The following TACC3 variants were observed in gnomAD, a reference collection of about 807,000 sequenced individuals.
TACC3 encodes transforming acidic coiled-coil-containing protein 3.
In TACC3, 52 loss-of-function variants were observed where a neutral mutation model predicts 86.0. The observed-to-expected ratio is 0.60, with a 90% CI of 0.48 to 0.76. TACC3 has a LOEUF of 0.76. Among genes scored for constraint, TACC3 ranks in the 30% least tolerant of loss-of-function variants. TACC3 has a pLI of 0.00. For synonymous variants in TACC3, 512 were observed against 430.0 expected, an observed-to-expected ratio of 1.19 and a Z score of -2.36; for missense variants, 1,120 against 1,070.4, an observed-to-expected ratio of 1.05 and a Z score of -0.65.
At chr4:1,738,720 G>A (rs1489933075) in intron 10 of TACC3, among the ~76,000 whole-genome samples, 9 of 152,220 alleles carry the variant, frequency 5.9e-5, no homozygotes, top group Non-Finnish European at 2.9e-5. Flanking sequence ...CCCTACTGCT[G>A]TGTTGTTCCC....
intron 1 of TACC3, among the ~76,000 whole-genome samples, chr4:1,722,085 C>G (rs960190086): frequency 1.3e-5 from 2 of 152,190 alleles, no homozygotes; most frequent in Non-Finnish European, 2.9e-5. Flanking sequence ...CTACCGCTTC[C>G]CCGCACCTGC....
At chr4:1,740,149 T>G in intron 12 of TACC3, 147 bp downstream of exon 12, 1 of 762,098 alleles carries the variant, frequency 1.3e-6, no homozygotes, top group Non-Finnish European at 2.1e-6. Flanking sequence ...GGCCCGGCCG[T>G]GGAAGCACTG....
chr4:1,737,317 C>T lies in TACC3; in HGVS notation c.1825C>T (p.Leu609=), dbSNP rs1718323686. 2.5e-6 allele frequency: 4 copies of T among 1,614,072 alleles called. No homozygotes were observed. The highest frequency in any genetic ancestry group is 4.5e-5 in the East Asian group (2 of 44,892). The change falls in exon 9 of 16, where the codon CTG becomes TTG. Residue 609 remains leucine (L), a synonymous_variant. Transcript: ENST00000313288. ...TGTGGAGTTCGATTTCTTGGGAGCA[C>T]TGGACATTCCTGTAAGTCCTTGAGT... is the stretch of plus-strand genomic sequence containing the variant. ...KLVEFDFLGA[L]DIPVPGPPPG...
chr4:1,722,351 G>A (rs1185773380), intron 1 of TACC3, among the ~76,000 whole-genome samples: 3 of 152,180 alleles, frequency 2.0e-5, no homozygotes, highest in African/African-American at 7.2e-5. Context: ...CCCTTCCCCT[G>A]CCCTGTACCC....
intron 3 of TACC3, 72 bp downstream of exon 3, chr4:1,723,942 G>T: frequency 6.5e-7 from 1 of 1,537,466 alleles, no homozygotes. Context: ...GGAAAGTGCT[G>T]TCTTGTTCTA....
chr4:1,725,949 G>A (rs1419528250), intron 3 of TACC3, among the ~76,000 whole-genome samples: 2 of 152,248 alleles, frequency 1.3e-5, no homozygotes, highest in Admixed American at 1.3e-4. Context: ...CTCACCCTCA[G>A]TTTCTCAGTT....
intron 6 of TACC3, 55 bp downstream of exon 6, chr4:1,731,356 G>A: frequency 6.3e-7 from 1 of 1,589,826 alleles, no homozygotes; most frequent in Non-Finnish European, 8.6e-7. Flanking sequence ...GATCCCGTGA[G>A]CACTTGGGCA....
intron 6 of TACC3, among the ~76,000 whole-genome samples, chr4:1,732,485 CTTAAA>C (rs1178974047): frequency 1.3e-5 from 2 of 151,784 alleles, no homozygotes; most frequent in Non-Finnish European, 2.9e-5. Flanking sequence ...TGGAACGGTC[CTTAAA>C]TTAAAGTGCA....
rs370769250 is a variant in TACC3, at chr4:1,740,005, G to C, written c.2062+3G>C. On this transcript the variant is annotated splice_donor_region_variant and intron_variant, in intron 12 of 15. Coordinates refer to ENST00000313288, the MANE Select transcript of TACC3 (RefSeq NM_006342.3). ...AGAGGTTGTGTACCAGGCCATGGGT[G>C]AGTGCCCGGGCCACCGAGGCCACGT... 1.7e-4 allele frequency: 282 copies of C among 1,612,850 alleles called. No individual in the cohort carries two copies. Among genetic ancestry groups the C allele is most frequent in the Non-Finnish European group, 2.3e-4 (273 of 1,179,996 alleles).
In TACC3 at chr4:1,735,959, G is replaced by A. The variant is rs1718242569; in HGVS notation, c.1748+125G>A. On this transcript the variant is annotated intron_variant, in intron 8 of 15. Coordinates refer to ENST00000313288, the MANE Select transcript of TACC3 (RefSeq NM_006342.3). The surrounding 1 kb of genome is among the most constrained non-coding windows in gnomAD (Gnocchi z 4.2). Reference sequence around the variant, plus strand: ...GGGAGATGATCAGAACTGGAAAGGAGCTGTGCTAGGGGTGGGCTGGGCAGC... The same window carrying A: ...GGGAGATGATCAGAACTGGAAAGGAACTGTGCTAGGGGTGGGCTGGGCAGC... 4.1e-6 allele frequency: 3 copies of A among 725,546 alleles called. No individual in the cohort carries two copies. The highest frequency in any genetic ancestry group is 5.6e-5 in the Admixed American group (2 of 36,022). The allele number at this position is 725,546 out of a possible 1,614,324, so 44.9% of individuals were successfully genotyped here.
In TACC3 at chr4:1,723,751, G is replaced by A. The variant is rs1444666366; in HGVS notation, c.186G>A (p.Arg62=). The change falls in exon 3 of 16, where the codon CGG becomes CGA. Residue 62 remains arginine, a synonymous_variant. Transcript: ENST00000313288. The part of the protein sequence containing the change: ...AMKVTFQTPL[R]DPQTHRILSP... Reference sequence around the variant, plus strand: ...AGGTGACTTTTCAGACACCTCTGCGGGATCCACAGACGCACAGGATTCTAA... The same window carrying A: ...AGGTGACTTTTCAGACACCTCTGCGAGATCCACAGACGCACAGGATTCTAA... The A allele has an allele frequency of 4.3e-6, 7 of 1,613,766 alleles. No individual in the cohort carries two copies. The highest frequency in any genetic ancestry group is 3.3e-5 in the South Asian group (3 of 91,088).
At chr4:1,737,077 G>A (rs925558016) in intron 8 of TACC3, among the ~76,000 whole-genome samples, 164 bp from the exon 9 acceptor site, 4 of 152,224 alleles carry the variant, frequency 2.6e-5, no homozygotes, top group African/African-American at 9.7e-5. Context: ...GCAGCAGAGA[G>A]GCCGGGCATG....
chr4:1,733,765 A>T (rs1014240049), intron 6 of TACC3, among the ~76,000 whole-genome samples: 1 of 152,158 alleles, frequency 6.6e-6, no homozygotes, highest in Non-Finnish European at 1.5e-5. Context: ...ATCACCTGAG[A>T]TCAAGAGTTT....
intron 1 of TACC3, among the ~76,000 whole-genome samples, chr4:1,722,118 G>A (rs969245627): frequency 2.0e-5 from 3 of 152,004 alleles, no homozygotes; most frequent in African/African-American, 7.3e-5. Context: ...CCTTCCCCCC[G>A]CACCGCATCC....
intron 1 of TACC3, 52 bp downstream of exon 1, chr4:1,721,695 GCCGTCCCGCC>G (rs955493973): frequency 1.3e-5 from 2 of 151,484 alleles, no homozygotes; most frequent in African/African-American, 4.8e-5. Flanking sequence ...GGGGCGCGAG[GCCGTCCCGCC>G]CCGCCCCGCC....
chr4:1,732,896 G>A (rs1244619875), intron 6 of TACC3, among the ~76,000 whole-genome samples: 3 of 152,130 alleles, frequency 2.0e-5, no homozygotes, highest in Non-Finnish European at 4.4e-5. Flanking sequence ...GTGCTGCCTC[G>A]AATGTTCAGG....
intron 3 of TACC3, among the ~76,000 whole-genome samples, chr4:1,725,751 A>T (rs1179470362): frequency 2.0e-5 from 3 of 152,192 alleles, no homozygotes; most frequent in Non-Finnish European, 2.9e-5. Context: ...TCCTTTCTGG[A>T]ACTCTGCTGA....
At chr4:1,733,183 G>A (rs994563749) in intron 6 of TACC3, among the ~76,000 whole-genome samples, 10 of 152,280 alleles carry the variant, frequency 6.6e-5, no homozygotes, top group East Asian at 3.9e-4. Flanking sequence ...GCTCATGAAC[G>A]AGCGTCTTTT....
chr4:1,732,139 C>T (rs1035595783), intron 6 of TACC3, among the ~76,000 whole-genome samples: 1 of 149,502 alleles, frequency 6.7e-6, no homozygotes, highest in African/African-American at 2.5e-5. Context: ...CACTTGAATA[C>T]GGTTTGTCTG....
Sources: gnomAD v4.1 joint callset for allele counts (sites outside exome capture counted in the v4.1 genomes callset) on GRCh38, gnomAD v4.1.1 for gene constraint, Gnocchi (gnomAD v3.1) non-coding constraint, MANE v1.5 for transcripts, NCBI Gene and HGNC (gene_info 2026-07-23, HGNC 2026-07-21) for gene names.